CPQ: variants seen among roughly 807,000 people sequenced by gnomAD.
The protein encoded by CPQ is Ser-Met dipeptidase.
CPQ carries 37 observed loss-of-function variants against 45.7 expected under a neutral mutation model. The ratio of observed to expected loss-of-function variants is 0.81; its 90% CI spans 0.62 to 1.07. CPQ has a LOEUF of 1.07. CPQ is among the 50% of genes least tolerant of loss of function. CPQ has a pLI of 0.00. For synonymous variants in CPQ, 186 were observed against 205.8 expected, an observed-to-expected ratio of 0.90 and a Z score of 0.82; for missense variants, 537 against 572.9, an observed-to-expected ratio of 0.94 and a Z score of 0.64.
At chr8:96,876,023 ATTTG>A (rs1350950997) in intron 3 of CPQ, among the ~76,000 whole-genome samples, 1 of 151,824 alleles carries the variant, frequency 6.6e-6, no homozygotes, top group Admixed American at 6.6e-5. Context: ...GGTTAAATTT[ATTTG>A]TTCTATTTTA....
At chr8:96,914,730 A>G (rs1046103092) in intron 4 of CPQ, among the ~76,000 whole-genome samples, 1 of 152,022 alleles carries the variant, frequency 6.6e-6, no homozygotes, top group African/African-American at 2.4e-5. Context: ...GCTGACTCCA[A>G]CTCGCCATAA....
intron 1 of CPQ, among the ~76,000 whole-genome samples, chr8:96,733,590 T>G (rs760216680): frequency 2.0e-5 from 3 of 152,186 alleles, no homozygotes; most frequent in African/African-American, 4.8e-5. Context: ...GTCCCATATA[T>G]GATTATATAT....
At chr8:96,660,613 G>A (rs1388357823) in intron 1 of CPQ, among the ~76,000 whole-genome samples, 1 of 150,140 alleles carries the variant, frequency 6.7e-6, no homozygotes, top group Non-Finnish European at 1.5e-5. Context: ...CAGTAGGTCT[G>A]AAATGGGGCT....
intron 1 of CPQ, among the ~76,000 whole-genome samples, chr8:96,676,921 A>G (rs1012446931): frequency 6.6e-6 from 1 of 151,996 alleles, no homozygotes; most frequent in Non-Finnish European, 1.5e-5. Flanking sequence ...ATGAGGACAT[A>G]CAATACTGGT....
chr8:96,660,093 AT>A (rs1325031835), intron 1 of CPQ, among the ~76,000 whole-genome samples: 1 of 152,206 alleles, frequency 6.6e-6, no homozygotes, highest in Non-Finnish European at 1.5e-5. Flanking sequence ...TACCTACTGT[AT>A]TTGCTAGTGC....
intron 7 of CPQ, among the ~76,000 whole-genome samples, chr8:97,126,289 CCTT>C (rs1306343991): frequency 6.6e-6 from 1 of 152,132 alleles, no homozygotes; most frequent in Non-Finnish European, 1.5e-5. Context: ...AAGAGTGACA[CCTT>C]CTGAGGTTGG....
intron 5 of CPQ, among the ~76,000 whole-genome samples, chr8:96,985,868 TA>T (rs1292905130): frequency 6.6e-6 from 1 of 152,194 alleles, no homozygotes; most frequent in African/African-American, 2.4e-5. Context: ...TTCTTTCAAC[TA>T]AGAGAAAAGA....
At chr8:96,650,543 A>T (rs1035333790) in intron 1 of CPQ, among the ~76,000 whole-genome samples, 2 of 152,222 alleles carry the variant, frequency 1.3e-5, no homozygotes, top group African/African-American at 4.8e-5. Context: ...GACGGCTCAG[A>T]TCCCATGGCT....
intron 7 of CPQ, among the ~76,000 whole-genome samples, chr8:97,105,618 A>G (rs1811391190): frequency 6.6e-6 from 1 of 152,170 alleles, no homozygotes; most frequent in East Asian, 1.9e-4. Context: ...CATGCAAACT[A>G]TTGCTTAATC....
chr8:96,901,267 C>T (rs971716399), intron 4 of CPQ, among the ~76,000 whole-genome samples: 1 of 152,166 alleles, frequency 6.6e-6, no homozygotes, highest in Non-Finnish European at 1.5e-5. Flanking sequence ...CTCATGGGGT[C>T]AGCTGAGTCT....
intron 2 of CPQ, among the ~76,000 whole-genome samples, chr8:96,802,809 C>T (rs1811023837): frequency 6.6e-6 from 1 of 152,102 alleles, no homozygotes; most frequent in Non-Finnish European, 1.5e-5. Flanking sequence ...ATTGTCAAAA[C>T]TTGGTTCAAT....
chr8:96,683,988 CTG>C (rs2130731470), intron 1 of CPQ, among the ~76,000 whole-genome samples: 1 of 152,180 alleles, frequency 6.6e-6, no homozygotes, highest in Non-Finnish European at 1.5e-5. Flanking sequence ...TTGTATCTCA[CTG>C]TGTTTCTGTA....
In CPQ at chr8:96,965,988, G is replaced by A. The variant is rs2130362721; in HGVS notation, c.903G>A (p.Met301Ile). Residue 301 changes from methionine (M) to isoleucine (I), a missense_variant, in exon 5 of 8, where the codon ATG becomes ATA. Coordinates refer to ENST00000220763, the MANE Select transcript of CPQ (RefSeq NM_016134.4). ...GCTGGGATGTTGGGCAGGGTGCCAT[G>A]GATGATGGCGGTGGAGCCTTTATAT... is the stretch of plus-strand genomic sequence containing the variant. ...LDSWDVGQGA[M>I]DDGGGAFISW... 6.2e-6 allele frequency: 10 copies of A among 1,614,042 alleles called. No individual in the cohort carries two copies. Among genetic ancestry groups the A allele is most frequent in the Non-Finnish European group, 8.5e-6 (10 of 1,179,924 alleles).
intron 3 of CPQ, among the ~76,000 whole-genome samples, chr8:96,838,402 G>A (rs946671684): frequency 7.9e-5 from 12 of 152,014 alleles, no homozygotes; most frequent in Non-Finnish European, 1.3e-4. Flanking sequence ...TTCATCTGAC[G>A]CATAAGGGGA....
intron 1 of CPQ, among the ~76,000 whole-genome samples, chr8:96,662,588 A>G (rs1348224599): frequency 6.6e-6 from 1 of 152,228 alleles, no homozygotes; most frequent in Non-Finnish European, 1.5e-5. Flanking sequence ...TTCCTGGGCC[A>G]ATGAATAACA....
rs546208742 is a variant in CPQ, at chr8:96,746,237, A to G, written c.-34-38627A>G. Among the ~76,000 whole-genome samples, 10 of 152,384 alleles carry G rather than the reference A, an allele frequency of 6.6e-5. No individual in the cohort carries two copies. In the South Asian group the frequency reaches 2.1e-3, roughly 32 times the overall value. ...TCTTTAATTTGAAATACTGGAGCCA[A>G]GCAATGCAAAAGCTGAGAGACTCCA... On this transcript the variant is annotated intron_variant, in intron 1 of 7. Coordinates refer to ENST00000220763, the MANE Select transcript of CPQ (RefSeq NM_016134.4).
intron 2 of CPQ, among the ~76,000 whole-genome samples, chr8:96,791,692 A>G (rs1483549899): frequency 6.6e-6 from 1 of 152,226 alleles, no homozygotes; most frequent in Non-Finnish European, 1.5e-5. Flanking sequence ...AAAGTCCCAC[A>G]GGAGACAGTG....
chr8:96,969,086 C>G (rs1033441011), intron 5 of CPQ, among the ~76,000 whole-genome samples: 2 of 152,172 alleles, frequency 1.3e-5, no homozygotes, highest in African/African-American at 2.4e-5. Context: ...CCAAATTCTT[C>G]CAACTGTATC....
intron 5 of CPQ, among the ~76,000 whole-genome samples, chr8:97,016,046 C>T (rs906676846): frequency 9.9e-5 from 15 of 151,620 alleles, no homozygotes; most frequent in Middle Eastern, 3.4e-3. Flanking sequence ...AGATATGTTG[C>T]TATATATTGT....
Sources: gnomAD v4.1 joint callset for allele counts (sites outside exome capture counted in the v4.1 genomes callset) on GRCh38, gnomAD v4.1.1 for gene constraint, MANE v1.5 for transcripts, NCBI Gene and HGNC (gene_info 2026-07-23, HGNC 2026-07-21) for gene names.